Variants in UNC5D observed in about 807,000 individuals in gnomAD.
The protein encoded by UNC5D is unc-5 netrin receptor D.
A neutral mutation model predicts 105.4 loss-of-function variants in UNC5D; 39 were observed. The ratio of observed to expected loss-of-function variants is 0.37; its 90% confidence interval spans 0.29 to 0.48. UNC5D has a LOEUF of 0.48. UNC5D is among the 20% of genes least tolerant of loss of function. The pLI is 0.98. For synonymous variants in UNC5D, 452 were observed against 450.4 expected (o/e 1.00, Z -0.04); for missense variants, 991 against 1,202.4 (o/e 0.82, Z 2.60).
At chr8:35,607,900 A>G (rs1452047504) in intron 4 of UNC5D, among the ~76,000 whole-genome samples, 2 of 152,192 alleles carry the variant, frequency 1.3e-5, no homozygotes, top group South Asian at 2.1e-4. Flanking sequence ...GGATTAATAC[A>G]TAGATACGTC....
chr8:35,773,670 A>G (rs1389544302), intron 15 of UNC5D, among the ~76,000 whole-genome samples: 1 of 152,064 alleles, frequency 6.6e-6, no homozygotes, highest in Admixed American at 6.6e-5. Context: ...CCTGAGAGCA[A>G]AAACAAACAG....
intron 14 of UNC5D, 122 bp downstream of exon 14, chr8:35,759,591 C>T (rs1025405374): frequency 8.7e-7 from 1 of 1,146,188 alleles, no homozygotes; most frequent in African/African-American, 1.6e-5. Context: ...CACCTCAAAA[C>T]TGTCACAGAA....
chr8:35,600,837 C>T (rs1358453190), intron 4 of UNC5D, among the ~76,000 whole-genome samples: 1 of 152,108 alleles, frequency 6.6e-6, no homozygotes. Context: ...TCTTTTGTTG[C>T]CATTGCTTTT....
chr8:35,318,355 G>T (rs1236311776), intron 1 of UNC5D, among the ~76,000 whole-genome samples: 1 of 152,036 alleles, frequency 6.6e-6, no homozygotes, highest in African/African-American at 2.4e-5. Flanking sequence ...TATGTCTCTT[G>T]TAAGCAGCAA....
intron 1 of UNC5D, among the ~76,000 whole-genome samples, chr8:35,507,396 G>A (rs1812400892): frequency 6.6e-6 from 1 of 151,860 alleles, no homozygotes; most frequent in Non-Finnish European, 1.5e-5. Context: ...CCCACGATAT[G>A]GCTGAAATAC....
intron 1 of UNC5D, among the ~76,000 whole-genome samples, chr8:35,533,927 C>G (rs1814628718): frequency 6.6e-6 from 1 of 152,210 alleles, no homozygotes; most frequent in African/African-American, 2.4e-5. Context: ...CGCGCACCCA[C>G]TGGCCTGCAC....
chr8:35,406,341 C>T lies in UNC5D; in HGVS notation c.104-142951C>T, dbSNP rs74576014. ...TTTTTAGAAATCATAAGTGATGTTACTTTGCAAGGAGCCTTTTTCCTGCAA... is the reference window on the plus strand; with the variant it reads ...TTTTTAGAAATCATAAGTGATGTTATTTTGCAAGGAGCCTTTTTCCTGCAA... On this transcript the variant is annotated intron_variant, in intron 1 of 16. Coordinates refer to ENST00000404895, the MANE Select transcript of UNC5D (RefSeq NM_080872.4). Among the ~76,000 whole-genome samples the T allele has an allele frequency of 9.5e-3, 1,445 of 152,242 alleles. 25 individuals are homozygous for T. Among genetic ancestry groups the T allele is most frequent in the African/African-American group, 0.033 (1,379 of 41,550 alleles).
In UNC5D at chr8:35,759,421, T is replaced by C; in HGVS notation, c.2265T>C (p.Leu755=). ...CCTTTAGTCTTCAGATTTCTGTCCTTGATATTCCCCCATTCCTCTGGAGAA... is the reference window on the plus strand; with the variant it reads ...CCTTTAGTCTTCAGATTTCTGTCCTCGATATTCCCCCATTCCTCTGGAGAA... ...GNTFSLQISV[L]DIPPFLWRIK... The change falls in exon 14 of 17, where the codon CTT becomes CTC. Residue 755 remains leucine (L), a synonymous_variant. Transcript: ENST00000404895. 1.2e-6 allele frequency: 2 copies of C among 1,614,134 alleles called. No individual in the cohort carries two copies. The highest frequency in any genetic ancestry group is 1.1e-5 in the South Asian group (1 of 91,078).
At chr8:35,267,491 T>C (rs1313630298) in intron 1 of UNC5D, among the ~76,000 whole-genome samples, 3 of 152,166 alleles carry the variant, frequency 2.0e-5, no homozygotes, top group African/African-American at 4.8e-5. Context: ...CAGGCTGGGG[T>C]GCAATGGTGC....
intron 1 of UNC5D, among the ~76,000 whole-genome samples, chr8:35,523,232 A>G (rs1436464378): frequency 6.6e-6 from 1 of 151,900 alleles, no homozygotes; most frequent in Non-Finnish European, 1.5e-5. Context: ...ACAGGCACAC[A>G]CCACCACGTC....
In UNC5D at chr8:35,303,965, T is replaced by G. The variant is rs139275570; in HGVS notation, c.103+68078T>G. Among the ~76,000 whole-genome samples, 602 of 152,206 alleles carry G rather than the reference T, an allele frequency of 4.0e-3. 3 individuals carry two copies. The highest frequency in any genetic ancestry group is 0.014 in the African/African-American group (575 of 41,530). ...GGTGCTTTTAATTTTGTTTTGTATG[T>G]TTTGGAGCTCCTCCATGTTAAAAAA... On this transcript the variant is annotated intron_variant, in intron 1 of 16. Transcript: ENST00000404895.
Position 35,467,166 on chromosome 8 carries a change from C to G in UNC5D, c.104-82126C>G, listed in dbSNP as rs530541415. On this transcript the variant is annotated intron_variant, in intron 1 of 16. Transcript: ENST00000404895. ...AAGTTCAGAAATTCGTACTCCCTCA[C>G]AGTTTTTTCTTAAGACGAATTCCTT... Among the ~76,000 whole-genome samples, 38 of 152,278 alleles carry G rather than the reference C, an allele frequency of 2.5e-4. 1 individual carries two copies. The highest frequency in any genetic ancestry group is 2.4e-3 in the Admixed American group (36 of 15,290).
rs10106440 is a variant in UNC5D, at chr8:35,444,735, G to A, written c.104-104557G>A. On this transcript the variant is annotated intron_variant, in intron 1 of 16. Coordinates refer to ENST00000404895, the MANE Select transcript of UNC5D (RefSeq NM_080872.4). ...GAATTGAAGACTCTTTGACTCCTAGGTTTCTATTATTTCAACTACACTTAT... is the reference window on the plus strand; with the variant it reads ...GAATTGAAGACTCTTTGACTCCTAGATTTCTATTATTTCAACTACACTTAT... Among the ~76,000 whole-genome samples the A allele has an allele frequency of 3.3e-3, 499 of 152,042 alleles. 2 individuals carry two copies. Among genetic ancestry groups the A allele is most frequent in the African/African-American group, 0.012 (482 of 41,502 alleles).
At chr8:35,604,939 A>G (rs942824689) in intron 4 of UNC5D, among the ~76,000 whole-genome samples, 1 of 151,668 alleles carries the variant, frequency 6.6e-6, no homozygotes, top group African/African-American at 2.4e-5. Context: ...CTAGTTTTCC[A>G]TTTGTCTAAT....
intron 1 of UNC5D, among the ~76,000 whole-genome samples, chr8:35,529,465 T>C (rs1023613724): frequency 6.7e-6 from 1 of 148,678 alleles, no homozygotes; most frequent in African/African-American, 2.5e-5. Context: ...TGTAGTATAG[T>C]TTGAAGTCAG....
At chr8:35,453,687 G>A (rs1808311335) in intron 1 of UNC5D, among the ~76,000 whole-genome samples, 1 of 152,042 alleles carries the variant, frequency 6.6e-6, no homozygotes, top group African/African-American at 2.4e-5. Context: ...TTTTGTCTGT[G>A]TTCACTCCTT....
At chr8:35,386,747 T>C (rs1051340941) in intron 1 of UNC5D, among the ~76,000 whole-genome samples, 1 of 152,200 alleles carries the variant, frequency 6.6e-6, no homozygotes, top group African/African-American at 2.4e-5. Context: ...GCTTTCCACA[T>C]TAAATTTAAA....
intron 10 of UNC5D, chr8:35,727,224 G>A (rs1828924625): frequency 6.6e-6 from 1 of 152,276 alleles, no homozygotes; most frequent in Non-Finnish European, 1.5e-5. Context: ...TTTCAAAGTT[G>A]CTGCCTAAGA....
At position 35,650,253 on chromosome 8, in the gene UNC5D, G is replaced by A. The variant is rs75122411; in HGVS notation, c.571-33294G>A. The stretch of plus-strand genomic sequence containing the variant: ...GACCGAGGCTCTGGCCTGCTCCGTC[G>A]TTGACTTGTTGTGAGCCTTGTTGAT... On this transcript the variant is annotated intron_variant, in intron 4 of 16. Coordinates refer to ENST00000404895, the MANE Select transcript of UNC5D (RefSeq NM_080872.4). Among the ~76,000 whole-genome samples the A allele has an allele frequency of 7.3e-3, 1,105 of 152,210 alleles. 22 individuals carry two copies. Among genetic ancestry groups the A allele is most frequent in the African/African-American group, 0.024 (1,012 of 41,528 alleles).
Sources: allele counts gnomAD v4.1 joint callset (sites outside exome capture counted in the v4.1 genomes callset), GRCh38; gene constraint gnomAD v4.1.1; transcripts MANE v1.5; gene names NCBI Gene and HGNC (gene_info 2026-07-23, HGNC 2026-07-21).